The following NDUFA5 variants were observed in gnomAD, a reference collection of about 807,000 sequenced individuals.
NDUFA5 encodes the protein NADH dehydrogenase [ubiquinone] 1 alpha subcomplex subunit 5.
NDUFA5 carries 11 observed loss-of-function variants against 19.8 expected under a neutral mutation model. That is an observed-to-expected ratio of 0.56 (90% CI 0.35 to 0.92). The LOEUF is 0.92. NDUFA5 is among the 40% of genes least tolerant of loss of function. The pLI, the probability that NDUFA5 is intolerant of heterozygous loss-of-function variation, is 0.01. For synonymous variants in NDUFA5, 47 were observed against 46.8 expected (o/e 1.00, Z -0.01); for missense variants, 109 against 134.2 (o/e 0.81, Z 0.93).
chr7:123,556,869 T>G (rs774631350), intron 2 of NDUFA5: 3 of 513,020 alleles, frequency 5.8e-6, no homozygotes, highest in Non-Finnish European at 1.2e-5. Context: ...AGAAAGAAAT[T>G]GGAGAAAATA....
At chr7:123,582,579 T>TC in the NDUFA5 span, among the ~76,000 whole-genome samples, 1 of 151,864 alleles carries the variant, frequency 6.6e-6, no homozygotes. Context: ...TGATCAGCAT[T>TC]CCCCCCAGAT....
intron 3 of NDUFA5, chr7:123,545,953 T>C (rs1798118034): frequency 3.7e-6 from 1 of 272,498 alleles, no homozygotes; most frequent in Non-Finnish European, 6.8e-6. Flanking sequence ...TTTTAAAATA[T>C]GACTTTGCTT....
At chr7:123,596,990 C>T in the NDUFA5 span, among the ~76,000 whole-genome samples, 11 of 152,106 alleles carry the variant, frequency 7.2e-5, no homozygotes, top group African/African-American at 2.4e-4. Context: ...CTTAGCACTA[C>T]TGAGATATGT....
In NDUFA5 at chr7:123,541,906, TATC is replaced by T. The variant is rs1290134015; in HGVS notation, c.*210_*212del. The T allele has an allele frequency of 1.6e-5, 5 of 316,872 alleles. No homozygotes were observed. The highest frequency in any genetic ancestry group is 1.1e-4 in the African/African-American group (5 of 46,150). The allele number at this position is 316,872 out of a possible 1,614,324, so 19.6% of individuals were successfully genotyped here. Reference sequence around the variant, plus strand: ...CCCATGGCCTCTCTGTTCACAGAAATATCATCTTTGAAACAACTTGTGTGAGTA... The same window carrying T: ...CCCATGGCCTCTCTGTTCACAGAAATATCTTTGAAACAACTTGTGTGAGTA... On this transcript the variant is annotated 3_prime_UTR_variant, in exon 5 of 5. Coordinates refer to ENST00000355749, the MANE Select transcript of NDUFA5 (RefSeq NM_005000.5).
At chr7:123,581,656 A>C in the NDUFA5 span, among the ~76,000 whole-genome samples, 1 of 152,024 alleles carries the variant, frequency 6.6e-6, no homozygotes, top group East Asian at 1.9e-4. Flanking sequence ...TGATTTGCTC[A>C]GAGTGAGAAC....
chr7:123,567,728 A>G, the NDUFA5 span, among the ~76,000 whole-genome samples: 1 of 152,212 alleles, frequency 6.6e-6, no homozygotes, highest in Non-Finnish European at 1.5e-5. Context: ...GGTAATGCTT[A>G]GCCAGTTTCC....
chr7:123,556,184 AT>A (rs1172624758), intron 2 of NDUFA5: 7 of 152,238 alleles, frequency 4.6e-5, no homozygotes, highest in Non-Finnish European at 1.0e-4. Context: ...GCTGCCATTA[AT>A]TGAGATGAGC....
the NDUFA5 span, among the ~76,000 whole-genome samples, chr7:123,590,738 C>T: frequency 1.3e-5 from 2 of 152,140 alleles, no homozygotes; most frequent in Non-Finnish European, 2.9e-5. Flanking sequence ...AGCGTGATGC[C>T]TCCAACTTTG....
the NDUFA5 span, among the ~76,000 whole-genome samples, chr7:123,599,160 T>C: frequency 1.3e-5 from 2 of 152,096 alleles, no homozygotes; most frequent in African/African-American, 4.8e-5. Flanking sequence ...GCCTGAAATA[T>C]ACCAAAGTGA....
At chr7:123,556,004 G>A (rs890847513) in intron 2 of NDUFA5, 1 of 152,234 alleles carries the variant, frequency 6.6e-6, no homozygotes, top group Non-Finnish European at 1.5e-5. Context: ...AGTGATGATG[G>A]TGACTGAGGA....
the NDUFA5 span, among the ~76,000 whole-genome samples, chr7:123,566,329 T>G: frequency 6.6e-6 from 1 of 152,192 alleles, no homozygotes; most frequent in Non-Finnish European, 1.5e-5. Context: ...TGTCAATACC[T>G]CTATATTGGA....
the NDUFA5 span, among the ~76,000 whole-genome samples, chr7:123,571,451 G>T: frequency 6.7e-3 from 1,026 of 152,240 alleles, 7 homozygotes; most frequent in African/African-American, 0.023. Context: ...CTGTGAAAGT[G>T]ATGAAATATC....
chr7:123,547,986 T>C (rs1798198386), intron 3 of NDUFA5, among the ~76,000 whole-genome samples: 1 of 152,012 alleles, frequency 6.6e-6, no homozygotes, highest in Non-Finnish European at 1.5e-5. Flanking sequence ...CCGAGAAAAC[T>C]AGCAATATGC....
the NDUFA5 span, among the ~76,000 whole-genome samples, chr7:123,567,366 G>A: frequency 3.3e-5 from 5 of 152,132 alleles, no homozygotes; most frequent in South Asian, 8.3e-4. Flanking sequence ...TGTAAATAAG[G>A]TTAGTAGGCC....
Position 123,557,394 on chromosome 7 carries a change from A to C in NDUFA5, c.66+10T>G. ...GAATTCAAGAACGAAGAAAGAACAA[A>C]GGTACATACCTCGTGAGGAGTATTG... is the stretch of plus-strand genomic sequence containing the variant. On this transcript the variant is annotated intron_variant, in intron 2 of 4. Coordinates refer to ENST00000355749, the MANE Select transcript of NDUFA5 (RefSeq NM_005000.5). 1.2e-6 allele frequency: 2 copies of C among 1,613,760 alleles called. No homozygotes were observed. Among genetic ancestry groups the C allele is most frequent in the Admixed American group, 1.7e-5 (1 of 59,934 alleles).
chr7:123,566,731 A>G, the NDUFA5 span, among the ~76,000 whole-genome samples: 1 of 152,288 alleles, frequency 6.6e-6, no homozygotes, highest in South Asian at 2.1e-4. Flanking sequence ...GGAATTAATC[A>G]CCTATATATC....
intron 2 of NDUFA5, 102 bp downstream of exon 2, chr7:123,557,302 G>A (rs758463698): frequency 7.2e-6 from 11 of 1,534,836 alleles, no homozygotes; most frequent in Non-Finnish European, 9.8e-6. Context: ...TGTAATTAAG[G>A]GCTTGAAACA....
the NDUFA5 span, among the ~76,000 whole-genome samples, chr7:123,564,613 T>C: frequency 1.4e-4 from 21 of 151,736 alleles, no homozygotes; most frequent in East Asian, 3.9e-3. Flanking sequence ...TATATCCTAT[T>C]GTGTGTGTGT....
At chr7:123,583,429 G>A in the NDUFA5 span, among the ~76,000 whole-genome samples, 1 of 151,898 alleles carries the variant, frequency 6.6e-6, no homozygotes, top group Non-Finnish European at 1.5e-5. Context: ...TTCTCTGACA[G>A]TGGGTAATAC....
Sources: gnomAD v4.1 joint callset for allele counts (sites outside exome capture counted in the v4.1 genomes callset) on GRCh38, gnomAD v4.1.1 for gene constraint, MANE v1.5 for transcripts, NCBI Gene and HGNC (gene_info 2026-07-23, HGNC 2026-07-21) for gene names.